Variants in AKAP13 observed in about 807,000 individuals in gnomAD.
AKAP13 encodes A-kinase anchoring protein 13.
AKAP13 carries 80 observed loss-of-function variants against 264.5 expected under a neutral mutation model. That is an observed-to-expected ratio of 0.30 (90% CI 0.25 to 0.36). The LOEUF is 0.36. AKAP13 is among the 10% of genes least tolerant of loss of function. The pLI, the probability that AKAP13 is intolerant of heterozygous loss-of-function variation, is 1.00. For missense variants in AKAP13, 3,712 were observed against 3,435.2 expected (o/e 1.08, Z -2.01); for synonymous variants, 1,380 against 1,250.2 (o/e 1.10, Z -2.19).
At chr15:85,613,163 T>C (rs1256893202) in intron 8 of AKAP13, among the ~76,000 whole-genome samples, 2 of 152,224 alleles carry the variant, frequency 1.3e-5, no homozygotes, top group Non-Finnish European at 2.9e-5. Flanking sequence ...TGGTTTTAAA[T>C]AGACAACATA....
At chr15:85,570,864 G>A (rs2078793882) in intron 5 of AKAP13, among the ~76,000 whole-genome samples, 1 of 152,136 alleles carries the variant, frequency 6.6e-6, no homozygotes, top group African/African-American at 2.4e-5. Context: ...ACTGAAGCAG[G>A]GACCCAAGGA....
At chr15:85,553,955 G>A (rs555584899) in intron 5 of AKAP13, among the ~76,000 whole-genome samples, 13 of 152,184 alleles carry the variant, frequency 8.5e-5, no homozygotes, top group South Asian at 4.1e-4. Context: ...TCCATACCCC[G>A]CCCCCTCATC....
rs764113244 is a variant in AKAP13, at chr15:85,741,073, A to G, written c.7636A>G (p.Ile2546Val). The G allele has an allele frequency of 1.9e-5, 30 of 1,612,640 alleles. No individual in the cohort carries two copies. Among genetic ancestry groups the G allele is most frequent in the Non-Finnish European group, 2.2e-5 (26 of 1,179,494 alleles). Reference protein sequence around the residue: ...QGVVLQQDSYIEDQKLVLSER... With the variant: ...QGVVLQQDSYVEDQKLVLSER... The stretch of plus-strand genomic sequence containing the variant: ...TGTGGTGCTGCAGCAGGACAGCTAC[A>G]TTGAGGACCAGAAACTGGTGCTGAG... The change falls in exon 35 of 37, where the codon ATT becomes GTT. Residue 2546 changes from isoleucine (I) to valine (V), a missense_variant. By Grantham distance (29) the Ile-to-Val change is conservative (BLOSUM62 3). Coordinates refer to ENST00000394518, the MANE Select transcript of AKAP13 (RefSeq NM_007200.5).
chr15:85,657,506 G>A (rs2083155407), intron 11 of AKAP13, among the ~76,000 whole-genome samples: 1 of 152,128 alleles, frequency 6.6e-6, no homozygotes, highest in Non-Finnish European at 1.5e-5. Context: ...GAGAAGACTG[G>A]TGCAGGTAGT....
chr15:85,620,120 G>C, intron 8 of AKAP13: 1 of 1,536,100 alleles, frequency 6.5e-7, no homozygotes, highest in South Asian at 1.2e-5. Context: ...AGGCGCTACA[G>C]CCTCTGTGAC....
intron 2 of AKAP13, among the ~76,000 whole-genome samples, chr15:85,490,717 G>A (rs868119177): frequency 1.3e-5 from 2 of 152,164 alleles, no homozygotes; most frequent in Non-Finnish European, 2.9e-5. Flanking sequence ...TTTTATTCAG[G>A]TGCCTTCTTT....
At chr15:85,693,516 G>A in intron 17 of AKAP13, 65 bp downstream of exon 17, 1 of 1,582,186 alleles carries the variant, frequency 6.3e-7, no homozygotes, top group South Asian at 1.2e-5. Flanking sequence ...CTCATTTCTT[G>A]TTTCCTGTCC....
At chr15:85,500,623 C>T (rs1293866869) in intron 2 of AKAP13, among the ~76,000 whole-genome samples, 3 of 152,082 alleles carry the variant, frequency 2.0e-5, no homozygotes, top group Admixed American at 6.5e-5. Flanking sequence ...ATTGATTGAT[C>T]GGTTGGTGAT....
intron 1 of AKAP13, among the ~76,000 whole-genome samples, chr15:85,453,039 G>T (rs1054781896): frequency 6.6e-6 from 1 of 152,202 alleles, no homozygotes; most frequent in Admixed American, 6.5e-5. Context: ...CCAGGGGTTG[G>T]TTCCCTGTCT....
At position 85,581,273 on chromosome 15, in the gene AKAP13, G is replaced by A. The variant is rs761709034; in HGVS notation, c.3205G>A (p.Val1069Met). The change falls in exon 7 of 37, where the codon GTG (valine) becomes ATG (methionine). Residue 1069 changes from valine to methionine, a missense_variant. Physicochemically the swap from Val to Met is conservative, Grantham distance 21. Coordinates refer to ENST00000394518, the MANE Select transcript of AKAP13 (RefSeq NM_007200.5). ...TCAGCCTTCTCCTCTGGATGTTGGA[G>A]TGAAGAACACTCAATCCCAGGGAAA... ...CSQPSPLDVGVKNTQSQGKTS... is the reference protein window; with the variant it reads ...CSQPSPLDVGMKNTQSQGKTS... 6 of 1,614,120 alleles carry A rather than the reference G, an allele frequency of 3.7e-6. No individual in the cohort carries two copies. The highest frequency in any genetic ancestry group is 1.7e-5 in the Admixed American group (1 of 60,016).
rs889475484 is a variant in AKAP13 at position 85,562,686 on chromosome 15, CTTTTCTTTTTTTTT to C, written c.663-12440_663-12427del. ...ACTTTCCTTTTCTTTCTTTTCTTTTCTTTTCTTTTTTTTTTTTTTTTTTTTTGAGACTGAATTTC... is the reference window on the plus strand; with the variant it reads ...ACTTTCCTTTTCTTTCTTTTCTTTTCTTTTTTTTTTTTGAGACTGAATTTC... On this transcript the variant is annotated intron_variant, in intron 5 of 36. Coordinates refer to ENST00000394518, the MANE Select transcript of AKAP13 (RefSeq NM_007200.5). Among the ~76,000 whole-genome samples, 15 of 61,114 alleles carry C rather than the reference CTTTTCTTTTTTTTT, an allele frequency of 2.5e-4. No homozygotes were observed. The East Asian group carries it at 0.016, about 65-fold the overall frequency. 40.1% of individuals were successfully genotyped at this position (61,114 alleles called of 152,430 possible). A position where few individuals can be genotyped will look rare whatever the true frequency, so the allele number is the denominator to read the frequency against.
intron 1 of AKAP13, among the ~76,000 whole-genome samples, chr15:85,455,882 G>A (rs1172168456): frequency 6.6e-6 from 1 of 152,032 alleles, no homozygotes; most frequent in Admixed American, 6.6e-5. Flanking sequence ...CTTCTTCTGG[G>A]ACTTAGGATG....
At chr15:85,710,458 G>A in intron 18 of AKAP13, 121 bp from the exon 19 acceptor site, 1 of 866,878 alleles carries the variant, frequency 1.2e-6, no homozygotes. Context: ...GACACAGGGT[G>A]CTTAGGGCAG....
intron 1 of AKAP13, among the ~76,000 whole-genome samples, chr15:85,440,550 A>C (rs1416052517): frequency 1.3e-5 from 2 of 152,202 alleles, no homozygotes; most frequent in East Asian, 3.8e-4. Flanking sequence ...TTCTATATTC[A>C]TCAGTAAAAA....
At chr15:85,684,906 C>G (rs1019932865) in intron 16 of AKAP13, 33 bp downstream of exon 16, 6 of 1,603,086 alleles carry the variant, frequency 3.7e-6, no homozygotes, top group Non-Finnish European at 5.1e-6. Flanking sequence ...CTTGTGATCA[C>G]CTCAGTAGGA....
intron 14 of AKAP13, chr15:85,670,808 C>A (rs1244827561): frequency 6.6e-6 from 1 of 152,028 alleles, no homozygotes; most frequent in Non-Finnish European, 1.5e-5. Flanking sequence ...GTTAGTGGAC[C>A]TGTATGCGGA....
intron 8 of AKAP13, among the ~76,000 whole-genome samples, chr15:85,589,622 G>A (rs1382402584): frequency 6.9e-6 from 1 of 144,730 alleles, no homozygotes; most frequent in Non-Finnish European, 1.5e-5. Flanking sequence ...ACAAGAGTTA[G>A]CCAGAAATTG....
chr15:85,553,892 T>A (rs1444851524), intron 5 of AKAP13, among the ~76,000 whole-genome samples: 1 of 152,154 alleles, frequency 6.6e-6, no homozygotes, highest in Non-Finnish European at 1.5e-5. Context: ...ATGCTTCTTA[T>A]GAGAATCTAA....
chr15:85,392,349 G>C (rs2070907150), intron 1 of AKAP13, among the ~76,000 whole-genome samples: 1 of 144,070 alleles, frequency 6.9e-6, no homozygotes, highest in South Asian at 2.2e-4. Flanking sequence ...CTGCCTCCCA[G>C]GTTCAAGTGA....
Sources: gnomAD v4.1 joint callset for allele counts (sites outside exome capture counted in the v4.1 genomes callset) on GRCh38, gnomAD v4.1.1 for gene constraint, MANE v1.5 for transcripts, NCBI Gene and HGNC (gene_info 2026-07-23, HGNC 2026-07-21) for gene names.